Variants in PRKX observed in about 807,000 individuals in gnomAD.
PRKX encodes the protein protein kinase cAMP-dependent X-linked catalytic subunit.
PRKX carries 12 observed loss-of-function variants against 22.0 expected under a neutral mutation model. The observed-to-expected ratio is 0.54, with a 90% CI of 0.35 to 0.88. PRKX has a LOEUF of 0.88. PRKX is among the 40% of genes least tolerant of loss of function. The pLI, the probability that PRKX is intolerant of heterozygous loss-of-function variation, is 0.01. For synonymous variants in PRKX, 134 were observed against 137.7 expected (o/e 0.97, Z 0.19); for missense variants, 217 against 308.0 (o/e 0.70, Z 2.21).
At chrX:3,660,195 C>A (rs1927566751) in intron 2 of PRKX, among the ~76,000 whole-genome samples, 1 of 111,712 alleles carries the variant, frequency 9.0e-6, no homozygotes, top group African/African-American at 3.3e-5. Flanking sequence ...TTCCAAGGTC[C>A]AAATACTATC....
At chrX:3,700,197 C>T (rs1415434254) in intron 1 of PRKX, among the ~76,000 whole-genome samples, 1 of 111,739 alleles carries the variant, frequency 8.9e-6, no homozygotes, top group Non-Finnish European at 1.9e-5. Flanking sequence ...CTTGTGACAG[C>T]CAAAGCACCA....
At chrX:3,636,795 G>C (rs1397407424) in intron 4 of PRKX, among the ~76,000 whole-genome samples, 2 of 111,450 alleles carry the variant, frequency 1.8e-5, no homozygotes, top group Admixed American at 1.9e-4. Context: ...GGGAAGCAGA[G>C]GTTGCAGTGA....
intron 6 of PRKX, among the ~76,000 whole-genome samples, chrX:3,618,787 G>GGTCACTACGCCATTCCCAGCAGATTCT (rs1314030176): frequency 1.8e-5 from 2 of 111,136 alleles, no homozygotes; most frequent in Non-Finnish European, 3.8e-5. Flanking sequence ...TACCTATGAT[G>GGTCACTACGCCATTCCCAGCAGATTCT]GTCACTACGC....
At position 3,612,382 on chromosome X, in the gene PRKX, T is replaced by G. The variant is rs1218159923; in HGVS notation, c.952-57A>C. On this transcript the variant is annotated intron_variant, in intron 7 of 8. Coordinates refer to ENST00000262848, the MANE Select transcript of PRKX (RefSeq NM_005044.5). The stretch of plus-strand genomic sequence containing the variant: ...GTTAGAAAGGGACGGGACACTTGGA[T>G]GCTGCACACACCGCTTTATTTCTGT... 3 of 1,117,877 alleles carry G rather than the reference T, an allele frequency of 2.7e-6. No individual in the cohort carries two copies. In the East Asian group the frequency reaches 9.4e-5, roughly 35 times the overall value. 92.1% of individuals were successfully genotyped at this position (1,117,877 alleles called of 1,213,427 possible).
At chrX:3,611,022 T>C (rs1251841711) in intron 8 of PRKX, 1 of 112,160 alleles carries the variant, frequency 8.9e-6, no homozygotes, top group African/African-American at 3.2e-5. Flanking sequence ...CGCTCTCATG[T>C]TAATACAAAC....
chrX:3,689,648 C>G (rs187196272), intron 1 of PRKX, among the ~76,000 whole-genome samples: 8 of 112,059 alleles, frequency 7.1e-5, no homozygotes, highest in African/African-American at 2.6e-4. Context: ...CCCCTGTGCT[C>G]TAACTTGGGT....
rs180935037 is a variant in PRKX, at chrX:3,628,465, T to C, written c.720-1951A>G. 1.7e-3 allele frequency among the ~76,000 whole-genome samples: 192 copies of C among 112,137 alleles called. 1 individual carries two copies. Among genetic ancestry groups the C allele is most frequent in the Non-Finnish European group, 3.1e-3 (167 of 53,258 alleles). On this transcript the variant is annotated intron_variant, in intron 4 of 8. Transcript: ENST00000262848. ...ATGCTAATTACCCTGATCTGATTACTCCATTCTTTGTATCAAAGCATCACT... is the reference window on the plus strand; with the variant it reads ...ATGCTAATTACCCTGATCTGATTACCCCATTCTTTGTATCAAAGCATCACT...
At chrX:3,628,740 T>G (rs1432858838) in intron 4 of PRKX, among the ~76,000 whole-genome samples, 1 of 109,166 alleles carries the variant, frequency 9.2e-6, no homozygotes, top group East Asian at 2.9e-4. Context: ...TGTCTCAAAA[T>G]AAAATAAAAT....
At chrX:3,627,443 T>G (rs1603473341) in intron 4 of PRKX, among the ~76,000 whole-genome samples, 1 of 98,765 alleles carries the variant, frequency 1.0e-5, no homozygotes, top group Non-Finnish European at 2.0e-5. Context: ...GAAATGCTGG[T>G]GAGGATGTGG....
chrX:3,621,925 C>A (rs911176586), intron 5 of PRKX, among the ~76,000 whole-genome samples: 6 of 110,290 alleles, frequency 5.4e-5, no homozygotes, highest in African/African-American at 2.0e-4. Context: ...GATCACTTGA[C>A]GTGAGGAGTT....
chrX:3,692,309 C>CCGG (rs1311064251), intron 1 of PRKX, among the ~76,000 whole-genome samples: 1 of 110,408 alleles, frequency 9.1e-6, no homozygotes, highest in Non-Finnish European at 1.9e-5. Context: ...CATCCACCCC[C>CCGG]AGTAGTGACA....
rs149730536 is a variant in PRKX at position 3,695,671 on chromosome X, A to G, written c.166+17417T>C. Among the ~76,000 whole-genome samples the G allele has an allele frequency of 6.0e-3, 670 of 111,510 alleles. 6 individuals are homozygous for G. Among genetic ancestry groups the G allele is most frequent in the African/African-American group, 0.02 (615 of 30,708 alleles). On this transcript the variant is annotated intron_variant, in intron 1 of 8. Coordinates refer to ENST00000262848, the MANE Select transcript of PRKX (RefSeq NM_005044.5). ...AAGCAATCTTCCCACTCGACCTCCC[A>G]AAGTTTGAGTCACAGCGCACATGAC... is the stretch of plus-strand genomic sequence containing the variant.
chrX:3,615,670 G>T, intron 7 of PRKX, 145 bp downstream of exon 7: 1 of 528,512 alleles, frequency 1.9e-6, no homozygotes, highest in Non-Finnish European at 3.1e-6. Flanking sequence ...GGGGAACTTG[G>T]CTTATGAACA....
In PRKX at chrX:3,605,012, G is replaced by GACACACAT. The variant is rs1926131815; in HGVS notation, c.*3956_*3957insATGTGTGT. On this transcript the variant is annotated 3_prime_UTR_variant, in exon 9 of 9. Coordinates refer to ENST00000262848, the MANE Select transcript of PRKX (RefSeq NM_005044.5). ...AAATACAGCCCCTCACCTTCACCAA[G>GACACACAT]ACACACACACACACACACACACACA... The GACACACAT allele has an allele frequency of 1.2e-5, 1 of 84,556 alleles. No homozygotes were observed. The highest frequency in any genetic ancestry group is 4.4e-5 in the African/African-American group (1 of 22,509). The allele number at this position is 84,556 out of a possible 1,213,427, so 7.0% of individuals were successfully genotyped here.
At chrX:3,636,982 G>A (rs1264505423) in intron 4 of PRKX, among the ~76,000 whole-genome samples, 1 of 102,235 alleles carries the variant, frequency 9.8e-6, no homozygotes, top group Non-Finnish European at 2.0e-5. Context: ...AAAGGGGAAA[G>A]GGGAAAAGGG....
intron 1 of PRKX, among the ~76,000 whole-genome samples, chrX:3,680,130 CTGTTGT>C (rs34465309): frequency 3.4e-4 from 37 of 107,924 alleles, no homozygotes; most frequent in Admixed American, 1.2e-3. Context: ...ACATCCTGGC[CTGTTGT>C]TGTTGTTGTT....
intron 1 of PRKX, among the ~76,000 whole-genome samples, chrX:3,684,451 C>A (rs113035047): frequency 0.012 from 1,299 of 110,085 alleles, 20 homozygotes; most frequent in African/African-American, 0.041. Flanking sequence ...CTGCAGTATT[C>A]GCTACTCTCT....
At chrX:3,687,878 T>C (rs1928209308) in intron 1 of PRKX, among the ~76,000 whole-genome samples, 1 of 111,871 alleles carries the variant, frequency 8.9e-6, no homozygotes, top group African/African-American at 3.2e-5. Context: ...GTGTTCCTCA[T>C]GGACACTCCA....
At chrX:3,688,343 G>C (rs12847452) in intron 1 of PRKX, among the ~76,000 whole-genome samples, 17,307 of 101,928 alleles carry the variant, frequency 0.17, 2,661 homozygotes, top group East Asian at 0.39. Context: ...CTACTCAGGA[G>C]GCTGAGGCAG....
Sources: gnomAD v4.1 joint callset for allele counts (sites outside exome capture counted in the v4.1 genomes callset) on GRCh38, gnomAD v4.1.1 for gene constraint, MANE v1.5 for transcripts, NCBI Gene and HGNC (gene_info 2026-07-23, HGNC 2026-07-21) for gene names.